Variants in IQCE observed in about 807,000 individuals in gnomAD.
IQCE encodes IQ motif containing E, also known as IQ domain-containing protein E.
A neutral mutation model predicts 96.0 loss-of-function variants in IQCE; 115 were observed. That is an observed-to-expected ratio of 1.20 (90% confidence interval 1.03 to 1.40). The LOEUF (loss-of-function observed/expected upper bound fraction) is 1.40, where lower values mean the gene tolerates loss of function less well. Among genes scored for constraint, IQCE ranks in the 40% most tolerant of loss-of-function variants. IQCE has a pLI of 0.00. For missense variants in IQCE, 1,041 were observed against 909.1 expected (o/e 1.15, Z -1.87); for synonymous variants, 412 against 371.2 (o/e 1.11, Z -1.26).
At chr7:2,571,453 CT>C in intron 3 of IQCE, 72 bp from the exon 4 acceptor site, 1 of 1,581,684 alleles carries the variant, frequency 6.3e-7, no homozygotes, top group Non-Finnish European at 8.5e-7. Flanking sequence ...CTATTTCTGT[CT>C]TTCTGAAGTT....
intron 13 of IQCE, 77 bp from the exon 14 acceptor site, chr7:2,589,830 G>A: frequency 7.0e-7 from 1 of 1,437,710 alleles, no homozygotes; most frequent in Non-Finnish European, 9.7e-7. Flanking sequence ...CCCTGGTTCA[G>A]TGTCTCTTTT....
intron 9 of IQCE, 151 bp from the exon 10 acceptor site, chr7:2,583,486 A>G: frequency 2.7e-6 from 1 of 367,448 alleles, no homozygotes; most frequent in Non-Finnish European, 5.1e-6. Flanking sequence ...TCAAGGAACA[A>G]GTCAAATGAA....
intron 1 of IQCE, chr7:2,559,469 TC>T (rs1780755132): frequency 3.9e-6 from 1 of 256,838 alleles, no homozygotes; most frequent in Non-Finnish European, 7.3e-6. Context: ...CGCCGCGCCC[TC>T]GCCTCTGGGC....
intron 1 of IQCE, among the ~76,000 whole-genome samples, chr7:2,561,643 G>C (rs1232269522): frequency 6.6e-6 from 1 of 151,550 alleles, no homozygotes; most frequent in Non-Finnish European, 1.5e-5. Context: ...GGATGGTCTC[G>C]ATCTCCTGAC....
At position 2,578,161 on chromosome 7, in the gene IQCE, G is replaced by A. The variant is rs934599582; in HGVS notation, c.466-81G>A. On this transcript the variant is annotated intron_variant, in intron 6 of 21. Transcript: ENST00000402050. ...GCGGCGTGCCCGCATTGGCGTGTGCGTGGCTGTGTGCGCGGGGACGTGTGT... is the reference window on the plus strand; with the variant it reads ...GCGGCGTGCCCGCATTGGCGTGTGCATGGCTGTGTGCGCGGGGACGTGTGT... 6 of 1,055,196 alleles carry A rather than the reference G, an allele frequency of 5.7e-6. No homozygotes were observed. In the African/African-American group the frequency reaches 7.1e-5, roughly 13 times the overall value. 65.4% of individuals were successfully genotyped at this position (1,055,196 alleles called of 1,614,324 possible). A position where few individuals can be genotyped will look rare whatever the true frequency, so the allele number is the denominator to read the frequency against.
At chr7:2,559,677 G>T (rs1780773792) in intron 1 of IQCE, among the ~76,000 whole-genome samples, 2 of 146,300 alleles carry the variant, frequency 1.4e-5, no homozygotes, top group Non-Finnish European at 3.0e-5. Context: ...GTACTCCCCA[G>T]GGCGAGGGTG....
chr7:2,589,992 C>T lies in IQCE; in HGVS notation c.1130C>T (p.Ala377Val), dbSNP rs752054481. The T allele has an allele frequency of 1.4e-5, 23 of 1,613,818 alleles. No individual in the cohort carries two copies. The highest frequency in any genetic ancestry group is 5.5e-5 in the South Asian group (5 of 91,094). ...CCAGCCTGCCTTGCATCCAGCTCTG[C>T]GCTGCACAGACAGCCACGAGGGGAC... ...HPPACLASSS[A>V]LHRQPRGDRN... Residue 377 changes from alanine (A) to valine (V), a missense_variant, in exon 14 of 22, where the codon GCG becomes GTG. Transcript: ENST00000402050.
Position 2,589,850 on chromosome 7 carries a change from G to C in IQCE, c.1045-57G>C. ...GTTCAGTGTCTCTTTTCTGGGTTTG[G>C]TAAATAGAAAGTAGAAATGAGAACT... On this transcript the variant is annotated intron_variant, in intron 13 of 21. Coordinates refer to ENST00000402050, the MANE Select transcript of IQCE (RefSeq NM_152558.5). 8 of 1,547,918 alleles carry C rather than the reference G, an allele frequency of 5.2e-6. No individual in the cohort carries two copies. The South Asian group carries it at 8.9e-5, about 17-fold the overall frequency.
intron 21 of IQCE, among the ~76,000 whole-genome samples, chr7:2,608,140 C>G (rs142347860): frequency 3.5e-4 from 54 of 152,342 alleles, no homozygotes; most frequent in Admixed American, 5.2e-4. Flanking sequence ...GACCCACATG[C>G]CTTAATTTGA....
At chr7:2,560,542 G>C (rs891507728) in intron 1 of IQCE, among the ~76,000 whole-genome samples, 1 of 152,224 alleles carries the variant, frequency 6.6e-6, no homozygotes, top group Non-Finnish European at 1.5e-5. Context: ...TGTCTCATCT[G>C]GAGGGCCTGC....
intron 18 of IQCE, chr7:2,601,901 C>T (rs1210503228): frequency 5.6e-6 from 1 of 177,236 alleles, no homozygotes; most frequent in African/African-American, 2.4e-5. Context: ...GTATAAAATA[C>T]ATGAGAAATA....
At position 2,579,849 on chromosome 7, in the gene IQCE, TTA is replaced by T. The variant is rs532441025; in HGVS notation, c.630+1324_630+1325del. On this transcript the variant is annotated intron_variant, in intron 8 of 21. Transcript: ENST00000402050. ...GCATTCAGCTCACGTGATCCCTGGC[TTA>T]GGGGATACTCCCACCTCAACCTCCT... is the stretch of plus-strand genomic sequence containing the variant. 2.7e-3 allele frequency among the ~76,000 whole-genome samples: 410 copies of T among 151,870 alleles called. 1 individual carries two copies. Among genetic ancestry groups the T allele is most frequent in the African/African-American group, 9.2e-3 (380 of 41,460 alleles).
intron 10 of IQCE, among the ~76,000 whole-genome samples, 191 bp from the exon 11 acceptor site, chr7:2,584,045 G>A (rs1366971270): frequency 6.6e-6 from 1 of 151,938 alleles, no homozygotes; most frequent in African/African-American, 2.4e-5. Flanking sequence ...GTGGTGGGCC[G>A]AGCCCAGGTG....
rs1013062639 is a variant in IQCE, at chr7:2,559,077, C to G, written c.-105C>G. 8 of 621,572 alleles carry G rather than the reference C, an allele frequency of 1.3e-5. No homozygotes were observed. The highest frequency in any genetic ancestry group is 1.8e-5 in the Non-Finnish European group (8 of 443,730). 38.5% of individuals were successfully genotyped at this position (621,572 alleles called of 1,614,324 possible). On this transcript the variant is annotated 5_prime_UTR_variant, in exon 1 of 22. Coordinates refer to ENST00000402050, the MANE Select transcript of IQCE (RefSeq NM_152558.5). ...ATGGCAGCGGGGTCGCGGGCCGGCG[C>G]CAGGGAAGGCCCCGAGGCTGCGGGC...
At chr7:2,593,233 A>G in intron 15 of IQCE, 107 bp downstream of exon 15, 2 of 1,455,124 alleles carry the variant, frequency 1.4e-6, no homozygotes, top group Admixed American at 2.1e-5. Flanking sequence ...GGCTTCTTAG[A>G]AAGGCCACAC....
chr7:2,606,279 C>T (rs1562684912), intron 20 of IQCE, among the ~76,000 whole-genome samples: 1 of 152,168 alleles, frequency 6.6e-6, no homozygotes, highest in Admixed American at 6.5e-5. Flanking sequence ...GAGCTTCACA[C>T]ACCGTGTAGC....
In IQCE at chr7:2,586,196, T is replaced by C. The variant is rs186271009; in HGVS notation, c.825-12T>C. 7.8e-5 allele frequency: 126 copies of C among 1,609,330 alleles called. No homozygotes were observed. The African/African-American group carries it at 1.4e-3, about 18-fold the overall frequency. On this transcript the variant is annotated splice_polypyrimidine_tract_variant and intron_variant, in intron 11 of 21. Coordinates refer to ENST00000402050, the MANE Select transcript of IQCE (RefSeq NM_152558.5). ...GCAATGCAAACCTCAGTCCACGATT[T>C]GGTTGTTCCAGGCCCCTGGGGGAGA...
intron 13 of IQCE, 100 bp downstream of exon 13, chr7:2,587,977 G>C: frequency 8.8e-7 from 1 of 1,134,016 alleles, no homozygotes; most frequent in Admixed American, 1.7e-5. Flanking sequence ...GCATGGCACT[G>C]GCTGTCTGCC....
intron 8 of IQCE, chr7:2,580,391 C>A (rs1007524232): frequency 2.6e-5 from 4 of 152,112 alleles, no homozygotes; most frequent in African/African-American, 9.7e-5. Context: ...AGGTGGATCA[C>A]CTGAAGTCAG....
Sources: gnomAD v4.1 joint callset for allele counts (sites outside exome capture counted in the v4.1 genomes callset) on GRCh38, gnomAD v4.1.1 for gene constraint, MANE v1.5 for transcripts, NCBI Gene and HGNC (gene_info 2026-07-23, HGNC 2026-07-21) for gene names.